Variants in NBAS observed in about 807,000 individuals in gnomAD.
The protein encoded by NBAS is NAG/BC035112 fusion.
In NBAS, 219 loss-of-function variants were observed where a neutral mutation model predicts 302.5. The observed-to-expected ratio is 0.72, with a 90% CI of 0.65 to 0.81. NBAS has a LOEUF of 0.81. Among genes scored for constraint, NBAS ranks in the 30% least tolerant of loss-of-function variants. The pLI, the probability that NBAS is intolerant of heterozygous loss-of-function variation, is 0.00. For missense variants in NBAS, 2,932 were observed against 2,841.6 expected, an observed-to-expected ratio of 1.03 and a Z score of -0.72; for synonymous variants, 1,118 against 1,021.6, an observed-to-expected ratio of 1.09 and a Z score of -1.80.
At chr2:15,242,266 T>G (rs1026512071) in intron 44 of NBAS, among the ~76,000 whole-genome samples, 2 of 152,228 alleles carry the variant, frequency 1.3e-5, no homozygotes, top group Admixed American at 6.5e-5. Flanking sequence ...TAGAAAATTT[T>G]CTATTTAAAA....
the NBAS span, among the ~76,000 whole-genome samples, chr2:15,009,716 A>ATG: frequency 4.3e-4 from 64 of 147,256 alleles, 2 homozygotes; most frequent in African/African-American, 1.5e-3. Flanking sequence ...ATATATATAT[A>ATG]TATACGGTGC....
At chr2:15,057,080 T>A in the NBAS span, among the ~76,000 whole-genome samples, 2 of 152,164 alleles carry the variant, frequency 1.3e-5, no homozygotes, top group East Asian at 3.9e-4. Context: ...TCTGCCCCCC[T>A]GGGCCTCCCA....
chr2:15,161,003 T>TGTGGTCAATCCTTTATCCAAGTTC, the NBAS span, among the ~76,000 whole-genome samples: 1 of 152,232 alleles, frequency 6.6e-6, no homozygotes, highest in Non-Finnish European at 1.5e-5. Context: ...CCTCTCTGGC[T>TGTGGTCAATCCTTTATCCAAGTTC]GTGGTCAATC....
At chr2:14,785,938 A>C in the NBAS span, among the ~76,000 whole-genome samples, 1 of 152,248 alleles carries the variant, frequency 6.6e-6, no homozygotes, top group Middle Eastern at 3.4e-3. Flanking sequence ...TCGGCTGTGA[A>C]TCCATCTGGT....
At position 15,396,478 on chromosome 2, in the gene NBAS, A is replaced by G; in HGVS notation, c.3072-3T>C. ...TTGTGGTTGCCTCTGTCTTATCACT[A>G]ATAAATTAAAAGAAGAAAAAAAAAA... On this transcript the variant is annotated splice_polypyrimidine_tract_variant and splice_region_variant and intron_variant, in intron 26 of 51. Coordinates refer to ENST00000281513, the MANE Select transcript of NBAS (RefSeq NM_015909.4). The G allele has an allele frequency of 6.4e-7, 1 of 1,569,018 alleles. No individual in the cohort carries two copies.
At chr2:14,918,959 C>A in the NBAS span, among the ~76,000 whole-genome samples, 1 of 152,116 alleles carries the variant, frequency 6.6e-6, no homozygotes, top group Non-Finnish European at 1.5e-5. Context: ...AAATGAATTA[C>A]TCTCAGATTC....
chr2:15,098,259 A>C, the NBAS span, among the ~76,000 whole-genome samples: 1 of 48,370 alleles, frequency 2.1e-5, no homozygotes, highest in Non-Finnish European at 3.3e-5. Flanking sequence ...TATGTATATA[A>C]TATAGTGTAT....
chr2:14,804,749 G>A, the NBAS span, among the ~76,000 whole-genome samples: 6 of 152,128 alleles, frequency 3.9e-5, no homozygotes, highest in Non-Finnish European at 7.4e-5. Flanking sequence ...TCAGTCTGGT[G>A]AAGGGAAAAA....
intron 44 of NBAS, among the ~76,000 whole-genome samples, chr2:15,249,200 C>A (rs1668244729): frequency 6.6e-6 from 1 of 151,438 alleles, no homozygotes; most frequent in Non-Finnish European, 1.5e-5. Flanking sequence ...ATAAACAGAA[C>A]CAATGAAAAA....
intron 44 of NBAS, among the ~76,000 whole-genome samples, chr2:15,273,740 A>G (rs1669437049): frequency 6.6e-6 from 1 of 152,144 alleles, no homozygotes; most frequent in East Asian, 1.9e-4. Flanking sequence ...ATATGTCTCC[A>G]AACACATTCT....
the NBAS span, among the ~76,000 whole-genome samples, chr2:15,127,311 A>G: frequency 6.6e-6 from 1 of 152,224 alleles, no homozygotes; most frequent in Non-Finnish European, 1.5e-5. Flanking sequence ...TTCCATCTGT[A>G]TAATAATTTT....
chr2:14,945,874 A>T, the NBAS span, among the ~76,000 whole-genome samples: 3 of 152,362 alleles, frequency 2.0e-5, no homozygotes, highest in African/African-American at 7.2e-5. Context: ...TGAGGCCAGG[A>T]GTTCAAGACC....
the NBAS span, among the ~76,000 whole-genome samples, chr2:15,054,328 C>A: frequency 6.6e-6 from 1 of 152,150 alleles, no homozygotes. Flanking sequence ...GTTTCTGAAA[C>A]CTAAGAGGGA....
the NBAS span, among the ~76,000 whole-genome samples, chr2:15,113,320 C>CGTGTGTGTGTGTGTGTGT: frequency 9.4e-4 from 122 of 129,940 alleles, 4 homozygotes; most frequent in East Asian, 5.6e-3. Context: ...GGTATGAACT[C>CGTGTGTGTGTGTGTGTGT]GTGTGTGTGT....
chr2:15,419,413 G>C (rs532885915), intron 23 of NBAS, among the ~76,000 whole-genome samples: 2 of 152,164 alleles, frequency 1.3e-5, no homozygotes, highest in South Asian at 4.1e-4. Flanking sequence ...GAGTGTGTGT[G>C]TGTGTGTCTG....
the NBAS span, among the ~76,000 whole-genome samples, chr2:14,974,035 C>T: frequency 6.6e-6 from 1 of 152,188 alleles, no homozygotes; most frequent in African/African-American, 2.4e-5. Context: ...TCAGATTCCT[C>T]CAGGAGAAAA....
the NBAS span, among the ~76,000 whole-genome samples, chr2:15,099,465 G>A: frequency 6.0e-3 from 914 of 152,098 alleles, 3 homozygotes; most frequent in Middle Eastern, 0.024. Flanking sequence ...AGGGACCAGT[G>A]GGAGCACAGA....
the NBAS span, among the ~76,000 whole-genome samples, chr2:14,836,335 TG>T: frequency 1.1e-4 from 17 of 151,996 alleles, no homozygotes; most frequent in Non-Finnish European, 2.1e-4. Flanking sequence ...TAATGCTTTT[TG>T]TGTCTAGGTT....
chr2:14,804,802 G>A, the NBAS span, among the ~76,000 whole-genome samples: 20 of 152,292 alleles, frequency 1.3e-4, no homozygotes, highest in East Asian at 3.5e-3. Flanking sequence ...AATAAGACAC[G>A]TAGATGTAAT....
Sources: allele counts gnomAD v4.1 joint callset (sites outside exome capture counted in the v4.1 genomes callset), GRCh38; gene constraint gnomAD v4.1.1; transcripts MANE v1.5; gene names NCBI Gene and HGNC (gene_info 2026-07-23, HGNC 2026-07-21).